Variants in CTIF observed in about 807,000 individuals in gnomAD.
CTIF encodes the protein cap binding complex dependent translation initiation factor, also known as CBP80/20-dependent translation initiation factor.
In CTIF, 21 loss-of-function variants were observed where a neutral mutation model predicts 66.0. The observed-to-expected ratio is 0.32, with a 90% CI of 0.23 to 0.46. The LOEUF (loss-of-function observed/expected upper bound fraction) is 0.46. CTIF is among the 20% of genes least tolerant of loss of function. The pLI, the probability that CTIF is intolerant of heterozygous loss-of-function variation, is 1.00. For synonymous variants in CTIF, 345 were observed against 326.4 expected (o/e 1.06, Z -0.62); for missense variants, 739 against 812.7 (o/e 0.91, Z 1.10).
At chr18:48,768,474 A>AT (rs2145939924) in intron 9 of CTIF, among the ~76,000 whole-genome samples, 1 of 152,280 alleles carries the variant, frequency 6.6e-6, no homozygotes, top group African/African-American at 2.4e-5. Context: ...CAGGGCAGGG[A>AT]TCCCTCCCCA....
intron 6 of CTIF, chr18:48,682,937 G>T (rs2091770970): frequency 6.6e-6 from 1 of 152,298 alleles, no homozygotes; most frequent in South Asian, 2.1e-4. Flanking sequence ...ACCTGGGGTG[G>T]AGATGTGGGG....
At chr18:48,635,791 T>G (rs1265703948) in intron 2 of CTIF, among the ~76,000 whole-genome samples, 2 of 152,188 alleles carry the variant, frequency 1.3e-5, no homozygotes, top group Non-Finnish European at 2.9e-5. Flanking sequence ...CTATACAGTG[T>G]TTTTATAGCT....
chr18:48,621,530 A>T, intron 2 of CTIF: 1 of 373,816 alleles, frequency 2.7e-6, no homozygotes, highest in Non-Finnish European at 5.2e-6. Flanking sequence ...TGTGAGGAGA[A>T]GTGAGCCTAG....
At chr18:48,706,919 TAGAC>T (rs915508801) in intron 6 of CTIF, among the ~76,000 whole-genome samples, 6 of 152,196 alleles carry the variant, frequency 3.9e-5, no homozygotes, top group South Asian at 2.1e-4. Context: ...GGTCAGATGT[TAGAC>T]AGACAGGGAA....
At chr18:48,590,103 C>T (rs2089857476) in intron 1 of CTIF, among the ~76,000 whole-genome samples, 1 of 152,240 alleles carries the variant, frequency 6.6e-6, no homozygotes, top group African/African-American at 2.4e-5. Context: ...GTTTGTGGAT[C>T]AGCATTTCAG....
Position 48,862,587 on chromosome 18 carries a change from C to T in CTIF, c.*3028C>T, listed in dbSNP as rs903507200. The T allele has an allele frequency of 6.5e-6, 1 of 152,708 alleles. No individual in the cohort carries two copies. The highest frequency in any genetic ancestry group is 2.4e-5 in the African/African-American group (1 of 41,460). The allele number at this position is 152,708 out of a possible 1,614,324, so 9.5% of individuals were successfully genotyped here. Reference sequence around the variant, plus strand: ...GTCCTTCCTTGACCAGTCTGTAAACCTTCACTGTTTGGGGATCGTCCTGTC... The same window carrying T: ...GTCCTTCCTTGACCAGTCTGTAAACTTTCACTGTTTGGGGATCGTCCTGTC... On this transcript the variant is annotated 3_prime_UTR_variant, in exon 12 of 12. Transcript: ENST00000256413.
At chr18:48,820,931 C>T (rs2068470834) in intron 10 of CTIF, among the ~76,000 whole-genome samples, 1 of 152,230 alleles carries the variant, frequency 6.6e-6, no homozygotes, top group Non-Finnish European at 1.5e-5. Flanking sequence ...TACTCGGTCC[C>T]CACGCTCCTT....
intron 3 of CTIF, among the ~76,000 whole-genome samples, chr18:48,642,032 A>G (rs1376982843): frequency 1.3e-5 from 2 of 152,258 alleles, no homozygotes; most frequent in Non-Finnish European, 2.9e-5. Context: ...AAAAATAATT[A>G]GTGCAAATGA....
At chr18:48,688,991 C>T (rs1006993650) in intron 6 of CTIF, among the ~76,000 whole-genome samples, 1 of 152,244 alleles carries the variant, frequency 6.6e-6, no homozygotes, top group Non-Finnish European at 1.5e-5. Context: ...GGCCGAGGTT[C>T]CCGGGGCCCC....
intron 1 of CTIF, among the ~76,000 whole-genome samples, chr18:48,610,832 G>A (rs2090294523): frequency 6.6e-6 from 1 of 152,248 alleles, no homozygotes; most frequent in Admixed American, 6.5e-5. Context: ...ACAGGGCTTG[G>A]TCCAGGGCTT....
intron 9 of CTIF, among the ~76,000 whole-genome samples, chr18:48,799,240 G>T (rs1449466738): frequency 6.6e-6 from 1 of 152,228 alleles, no homozygotes; most frequent in Non-Finnish European, 1.5e-5. Flanking sequence ...CAAGGAGGTT[G>T]TATATCTCTT....
chr18:48,756,985 C>T (rs1908427483), intron 7 of CTIF, among the ~76,000 whole-genome samples: 1 of 152,156 alleles, frequency 6.6e-6, no homozygotes, highest in African/African-American at 2.4e-5. Context: ...TATTTTCTGA[C>T]ACTTCTGGAG....
chr18:48,682,991 G>C (rs1418284105), intron 6 of CTIF: 1 of 152,314 alleles, frequency 6.6e-6, no homozygotes, highest in Admixed American at 6.5e-5. Context: ...CAGTGTTCCA[G>C]ATCTTTCCTT....
intron 1 of CTIF, among the ~76,000 whole-genome samples, chr18:48,544,873 A>G (rs1280644901): frequency 2.6e-5 from 4 of 152,334 alleles, no homozygotes; most frequent in African/African-American, 9.6e-5. Context: ...GAACAGGTAC[A>G]GCCCCCTGCC....
intron 1 of CTIF, among the ~76,000 whole-genome samples, chr18:48,584,218 T>C (rs2089720945): frequency 1.3e-5 from 2 of 152,198 alleles, no homozygotes; most frequent in East Asian, 1.9e-4. Flanking sequence ...CTGTATATGA[T>C]CACCCTTTGA....
chr18:48,854,632 T>C (rs575340894), intron 10 of CTIF, among the ~76,000 whole-genome samples: 1 of 152,134 alleles, frequency 6.6e-6, no homozygotes, highest in Non-Finnish European at 1.5e-5. Context: ...CCTTAAGACA[T>C]AAACCAGGCC....
At chr18:48,708,650 A>G (rs1414331886) in intron 6 of CTIF, among the ~76,000 whole-genome samples, 1 of 152,216 alleles carries the variant, frequency 6.6e-6, no homozygotes, top group Admixed American at 6.5e-5. Context: ...GGAGGACCTC[A>G]GAGGGTGCAA....
intron 7 of CTIF, chr18:48,755,925 G>A (rs1019000414): frequency 2.0e-5 from 3 of 152,332 alleles, no homozygotes; most frequent in Non-Finnish European, 4.4e-5. Flanking sequence ...ACAGGCCAGG[G>A]ACCTTGGGAA....
intron 2 of CTIF, among the ~76,000 whole-genome samples, chr18:48,628,555 G>T (rs556285612): frequency 6.6e-6 from 1 of 152,130 alleles, no homozygotes; most frequent in African/African-American, 2.4e-5. Flanking sequence ...GGCAAGACTG[G>T]GGTTTGAAAC....
Sources: gnomAD v4.1 joint callset for allele counts (sites outside exome capture counted in the v4.1 genomes callset) on GRCh38, gnomAD v4.1.1 for gene constraint, MANE v1.5 for transcripts, NCBI Gene and HGNC (gene_info 2026-07-23, HGNC 2026-07-21) for gene names.